The following SELENOI variants were observed in gnomAD, a reference collection of about 807,000 sequenced individuals.
The protein encoded by SELENOI is selenoprotein I.
A neutral mutation model predicts 50.7 loss-of-function variants in SELENOI; 24 were observed. The observed-to-expected ratio is 0.47, with a 90% confidence interval of 0.34 to 0.67. The LOEUF is 0.67. Ranked by LOEUF, SELENOI falls within the 30% of genes least tolerant of loss-of-function variation. The pLI is 0.01. For synonymous variants in SELENOI, 155 were observed against 170.2 expected (o/e 0.91, Z 0.70); for missense variants, 352 against 461.4 (o/e 0.76, Z 2.17).
chr2:26,349,308 C>CTTTT (rs11434987), intron 1 of SELENOI, among the ~76,000 whole-genome samples: 6 of 115,322 alleles, frequency 5.2e-5, no homozygotes, highest in African/African-American at 9.9e-5. Flanking sequence ...CCACACTTGT[C>CTTTT]TTTTTTTTTT....
intron 6 of SELENOI, among the ~76,000 whole-genome samples, chr2:26,380,638 A>T (rs1558420957): frequency 6.6e-6 from 1 of 152,206 alleles, no homozygotes; most frequent in Non-Finnish European, 1.5e-5. Context: ...GTTGAGGAAG[A>T]GGTCCCTAGA....
intron 3 of SELENOI, among the ~76,000 whole-genome samples, chr2:26,365,458 CT>C (rs1677267678): frequency 6.6e-6 from 1 of 152,234 alleles, no homozygotes; most frequent in Non-Finnish European, 1.5e-5. Flanking sequence ...AACATCTTCT[CT>C]CTCACTCATT....
intron 1 of SELENOI, among the ~76,000 whole-genome samples, chr2:26,352,743 C>T (rs1025533219): frequency 6.6e-6 from 1 of 151,362 alleles, no homozygotes; most frequent in African/African-American, 2.4e-5. Flanking sequence ...AAGATCGTGC[C>T]ACTGCACTCC....
At chr2:26,381,773 G>A (rs1677710425) in intron 6 of SELENOI, among the ~76,000 whole-genome samples, 1 of 152,166 alleles carries the variant, frequency 6.6e-6, no homozygotes, top group Non-Finnish European at 1.5e-5. Context: ...CTTGGAAGTA[G>A]CAGAGTAATT....
intron 1 of SELENOI, among the ~76,000 whole-genome samples, chr2:26,362,695 G>A (rs551378065): frequency 1.3e-5 from 2 of 152,114 alleles, no homozygotes; most frequent in South Asian, 4.2e-4. Flanking sequence ...GGCGGAGGTT[G>A]CAGTGAGCTG....
intron 1 of SELENOI, among the ~76,000 whole-genome samples, chr2:26,358,970 C>G (rs13020831): frequency 2.0e-5 from 3 of 151,938 alleles, no homozygotes; most frequent in African/African-American, 7.3e-5. Context: ...TTGCCCTAGA[C>G]CACATGTTTG....
At chr2:26,346,517 A>G (rs1676768453) in intron 1 of SELENOI, 1 of 482,232 alleles carries the variant, frequency 2.1e-6, no homozygotes, top group Non-Finnish European at 3.6e-6. Context: ...CCTTTTCCTT[A>G]GGAGAGCGCT....
chr2:26,394,857 A>C lies in SELENOI; in HGVS notation c.*5754A>C, dbSNP rs1390590163. On this transcript the variant is annotated 3_prime_UTR_variant, in exon 10 of 10. Coordinates refer to ENST00000260585, the MANE Select transcript of SELENOI (RefSeq NM_033505.4). This position sits in a 1 kb window ranked among gnomAD's most constrained non-coding sequence, Gnocchi z 4.1. ...AAGAATAGGTGGAGGAATCATGGCC[A>C]AATCAAATATGAATTGTTTAGCTTG... 6.6e-6 allele frequency: 1 copy of C among 152,228 alleles called. No individual in the cohort carries two copies. Among genetic ancestry groups the C allele is most frequent in the East Asian group, 1.9e-4 (1 of 5,194 alleles). 9.4% of individuals were successfully genotyped at this position (152,228 alleles called of 1,614,324 possible).
At chr2:26,388,711 A>C (rs1677900332) in intron 9 of SELENOI, among the ~76,000 whole-genome samples, 1 of 152,156 alleles carries the variant, frequency 6.6e-6, no homozygotes, top group African/African-American at 2.4e-5. Flanking sequence ...CTTGATCTAG[A>C]TGCTACAGGT....
chr2:26,372,431 A>T (rs1222472798), intron 4 of SELENOI, among the ~76,000 whole-genome samples: 1 of 152,304 alleles, frequency 6.6e-6, no homozygotes, highest in South Asian at 2.1e-4. Flanking sequence ...TCAATTGTAA[A>T]TTCTCTGAGG....
intron 6 of SELENOI, among the ~76,000 whole-genome samples, chr2:26,380,752 G>A (rs1677674096): frequency 6.6e-6 from 1 of 152,180 alleles, no homozygotes. Context: ...AGCAGTGTAT[G>A]AAAGTGCTTG....
At chr2:26,371,830 C>A (rs752629291) in intron 4 of SELENOI, among the ~76,000 whole-genome samples, 1 of 152,108 alleles carries the variant, frequency 6.6e-6, no homozygotes, top group Non-Finnish European at 1.5e-5. Flanking sequence ...AGCTTCGGCT[C>A]GGCATGAGAG....
intron 1 of SELENOI, chr2:26,346,941 C>G (rs1676794090): frequency 6.6e-6 from 1 of 152,242 alleles, no homozygotes; most frequent in Non-Finnish European, 1.5e-5. Flanking sequence ...CTCAGCCTCT[C>G]TTTTGTGTAT....
Position 26,395,563 on chromosome 2 carries a change from C to G in SELENOI, c.*6460C>G, listed in dbSNP as rs981199268. The G allele has an allele frequency of 2.6e-5, 4 of 152,652 alleles. No homozygotes were observed. The highest frequency in any genetic ancestry group is 5.9e-5 in the Non-Finnish European group (4 of 68,046). 9.5% of individuals were successfully genotyped at this position (152,652 alleles called of 1,614,324 possible). The stretch of plus-strand genomic sequence containing the variant: ...AACTCTAACTGTTGCAGAAACAGAG[C>G]TTCATGGCTTGCTTAAATTACTTAG... On this transcript the variant is annotated 3_prime_UTR_variant, in exon 10 of 10. Coordinates refer to ENST00000260585, the MANE Select transcript of SELENOI (RefSeq NM_033505.4).
chr2:26,348,057 A>G (rs1676845808), intron 1 of SELENOI, among the ~76,000 whole-genome samples: 2 of 152,246 alleles, frequency 1.3e-5, no homozygotes, highest in Non-Finnish European at 2.9e-5. Flanking sequence ...TTTATAACCT[A>G]AATATTCTTC....
At chr2:26,371,148 G>A (rs1435118568) in intron 4 of SELENOI, among the ~76,000 whole-genome samples, 5 of 149,232 alleles carry the variant, frequency 3.4e-5, no homozygotes, top group East Asian at 4.1e-4. Context: ...CTGGGCTGGC[G>A]GGGGGCTGAC....
At chr2:26,368,001 C>T (rs1315631856) in intron 4 of SELENOI, among the ~76,000 whole-genome samples, 1 of 152,160 alleles carries the variant, frequency 6.6e-6, no homozygotes, top group Non-Finnish European at 1.5e-5. Context: ...GTGAGTACTG[C>T]GTTGTTCACT....
At chr2:26,383,220 A>G (rs1055922280) in intron 6 of SELENOI, 79 bp from the exon 7 acceptor site, 13 of 1,055,272 alleles carry the variant, frequency 1.2e-5, no homozygotes, top group Middle Eastern at 2.2e-4. Flanking sequence ...GGTCTAAAAA[A>G]ATTTGTTTTG....
In SELENOI at chr2:26,391,083, G is replaced by A. The variant is rs1677956522; in HGVS notation, c.*1980G>A. On this transcript the variant is annotated 3_prime_UTR_variant, in exon 10 of 10. Transcript: ENST00000260585. ...TACCCTTTACTTCTGACATTTTAAGGTCACGTCCTATAGTTTGGGGGCCCT... is the reference window on the plus strand; with the variant it reads ...TACCCTTTACTTCTGACATTTTAAGATCACGTCCTATAGTTTGGGGGCCCT... The A allele has an allele frequency of 1.3e-5, 2 of 150,906 alleles. No individual in the cohort carries two copies. The highest frequency in any genetic ancestry group is 3.0e-5 in the Non-Finnish European group (2 of 67,734). 9.3% of individuals were successfully genotyped at this position (150,906 alleles called of 1,614,324 possible).
Sources: gnomAD v4.1 joint callset for allele counts (sites outside exome capture counted in the v4.1 genomes callset) on GRCh38, gnomAD v4.1.1 for gene constraint, Gnocchi (gnomAD v3.1) non-coding constraint, MANE v1.5 for transcripts, NCBI Gene and HGNC (gene_info 2026-07-23, HGNC 2026-07-21) for gene names.